The following SRGAP3 variants were observed in gnomAD, a reference collection of about 807,000 sequenced individuals.
SRGAP3 encodes the protein SLIT-ROBO Rho GTPase activating protein 3.
Under a neutral mutation model 121.1 loss-of-function variants are expected in SRGAP3, and 39 were observed. The ratio of observed to expected loss-of-function variants is 0.32; its 90% CI spans 0.25 to 0.42. The LOEUF (loss-of-function observed/expected upper bound fraction) is 0.42, where lower values mean the gene tolerates loss of function less well. Among genes scored for constraint, SRGAP3 ranks in the 10% least tolerant of loss-of-function variants. SRGAP3 has a pLI of 1.00. For synonymous variants in SRGAP3, 601 were observed against 570.0 expected (o/e 1.05, Z -0.77); for missense variants, 1,213 against 1,470.6 (o/e 0.82, Z 2.86).
chr3:9,238,639 T>G (rs1406697240), intron 1 of SRGAP3, among the ~76,000 whole-genome samples: 2 of 151,940 alleles, frequency 1.3e-5, no homozygotes, highest in East Asian at 3.9e-4. Flanking sequence ...GGGAGGGAGA[T>G]GATGAGGCAA....
chr3:9,039,069 A>G (rs974453645), intron 10 of SRGAP3, among the ~76,000 whole-genome samples: 1 of 152,102 alleles, frequency 6.6e-6, no homozygotes, highest in Non-Finnish European at 1.5e-5. Flanking sequence ...CTGGGCTGAC[A>G]CTGCTCTTGT....
At chr3:9,096,416 C>T (rs920064728) in intron 3 of SRGAP3, among the ~76,000 whole-genome samples, 11 of 152,274 alleles carry the variant, frequency 7.2e-5, no homozygotes, top group African/African-American at 2.4e-4. Flanking sequence ...ATGTGGCTGG[C>T]ACACAGAAGC....
chr3:9,295,357 G>A (rs1169719571), intron 3 of SRGAP3, among the ~76,000 whole-genome samples: 1 of 152,210 alleles, frequency 6.6e-6, no homozygotes, highest in Non-Finnish European at 1.5e-5. Context: ...TTTTGAAGAA[G>A]TGTTGTGCCT....
chr3:9,350,566 G>C (rs779426463), intron 1 of SRGAP3, among the ~76,000 whole-genome samples: 1 of 152,378 alleles, frequency 6.6e-6, no homozygotes, highest in South Asian at 2.1e-4. Flanking sequence ...AAAAGTCTGA[G>C]TTGTAACTAT....
At chr3:9,162,127 CAGAG>C (rs998974894) in intron 1 of SRGAP3, among the ~76,000 whole-genome samples, 4 of 152,044 alleles carry the variant, frequency 2.6e-5, no homozygotes, top group African/African-American at 9.7e-5. Context: ...TTCATAGAGA[CAGAG>C]AGAGGAGTGC....
intron 4 of SRGAP3, among the ~76,000 whole-genome samples, chr3:9,077,432 C>T (rs909504512): frequency 1.3e-5 from 2 of 152,052 alleles, no homozygotes; most frequent in African/African-American, 2.4e-5. Flanking sequence ...AACAAATGAT[C>T]GAATTTAACT....
At position 9,010,307 on chromosome 3, in the gene SRGAP3, C is replaced by A; in HGVS notation, c.2227+1G>T. The stretch of plus-strand genomic sequence containing the variant: ...TTGTCCCCAGGATCCCCCTCACTCA[C>A]CTTCATCGCTGGTATGAGGCTCAGT... On this transcript the variant is annotated splice_donor_variant, in intron 18 of 21. Transcript: ENST00000383836. LOFTEE classifies it high-confidence loss of function. The A allele has an allele frequency of 6.2e-7, 1 of 1,614,166 alleles. No individual in the cohort carries two copies.
chr3:9,261,237 G>C (rs951623952), intron 3 of SRGAP3, among the ~76,000 whole-genome samples: 3 of 152,198 alleles, frequency 2.0e-5, no homozygotes, highest in Non-Finnish European at 4.4e-5. Flanking sequence ...CCATGAAGAT[G>C]AGGAAAAACC....
At chr3:9,221,798 T>G (rs564097754) in intron 1 of SRGAP3, among the ~76,000 whole-genome samples, 1 of 152,354 alleles carries the variant, frequency 6.6e-6, no homozygotes, top group East Asian at 1.9e-4. Flanking sequence ...TCAACGTCTA[T>G]GCAGCCAAAC....
At chr3:9,095,283 T>C (rs1947923338) in intron 3 of SRGAP3, among the ~76,000 whole-genome samples, 1 of 152,082 alleles carries the variant, frequency 6.6e-6, no homozygotes, top group African/African-American at 2.4e-5. Flanking sequence ...TTTATTTTTA[T>C]ATATGAAATT....
chr3:9,285,194 G>A (rs535468074), intron 3 of SRGAP3, among the ~76,000 whole-genome samples: 56 of 152,208 alleles, frequency 3.7e-4, no homozygotes, highest in Admixed American at 7.2e-4. Context: ...TCCCTATGTG[G>A]GCAGACCATC....
chr3:9,335,989 A>T (rs1434457795), intron 1 of SRGAP3, among the ~76,000 whole-genome samples: 1 of 151,986 alleles, frequency 6.6e-6, no homozygotes, highest in African/African-American at 2.4e-5. Flanking sequence ...GATGGTTGAG[A>T]CTCTACCTAT....
intron 3 of SRGAP3, among the ~76,000 whole-genome samples, chr3:9,100,075 C>T (rs571406773): frequency 4.8e-4 from 73 of 152,292 alleles, no homozygotes; most frequent in African/African-American, 1.6e-3. Context: ...AACACAAAAT[C>T]GTGATTTTGG....
chr3:9,259,116 C>G (rs1230457553), intron 3 of SRGAP3, among the ~76,000 whole-genome samples: 1 of 152,210 alleles, frequency 6.6e-6, no homozygotes, highest in African/African-American at 2.4e-5. Context: ...GCTATTCATT[C>G]AGATCCTCCC....
intron 18 of SRGAP3, among the ~76,000 whole-genome samples, chr3:8,996,511 C>T (rs755209389): frequency 5.3e-5 from 8 of 152,194 alleles, no homozygotes; most frequent in Non-Finnish European, 1.0e-4. Flanking sequence ...AGCTAGCTAC[C>T]CGACAAATGT....
At chr3:9,037,707 G>T (rs1944820756) in intron 11 of SRGAP3, 2 of 377,442 alleles carry the variant, frequency 5.3e-6, no homozygotes, top group Non-Finnish European at 9.9e-6. Flanking sequence ...CAGGTGGGAA[G>T]AGAGGTCAAC....
At chr3:9,098,513 C>G (rs549289978) in intron 3 of SRGAP3, among the ~76,000 whole-genome samples, 23 of 152,302 alleles carry the variant, frequency 1.5e-4, no homozygotes, top group Admixed American at 1.2e-3. Context: ...CGATCCTCCC[C>G]CTCAACCTCC....
At chr3:9,263,698 A>G (rs1007978829) in intron 3 of SRGAP3, among the ~76,000 whole-genome samples, 3 of 152,212 alleles carry the variant, frequency 2.0e-5, no homozygotes, top group African/African-American at 4.8e-5. Context: ...TGAAGAGACC[A>G]ATAACAAGTT....
At chr3:9,058,134 C>A in intron 7 of SRGAP3, 117 bp downstream of exon 7, 2 of 1,111,212 alleles carry the variant, frequency 1.8e-6, no homozygotes, top group South Asian at 2.5e-5. Context: ...GAACCAGGAG[C>A]TTGACCCCAG....
Sources: gnomAD v4.1 joint callset for allele counts (sites outside exome capture counted in the v4.1 genomes callset) on GRCh38, gnomAD v4.1.1 for gene constraint, MANE v1.5 for transcripts, NCBI Gene and HGNC (gene_info 2026-07-23, HGNC 2026-07-21) for gene names.